DNAJB12: variants seen among roughly 807,000 people sequenced by gnomAD.
DNAJB12 encodes dnaJ homolog subfamily B member 12.
A neutral mutation model predicts 40.6 loss-of-function variants in DNAJB12; 14 were observed. That is an observed-to-expected ratio of 0.34 (90% CI 0.23 to 0.54). DNAJB12 has a LOEUF of 0.54. DNAJB12 is among the 20% of genes least tolerant of loss of function. The probability of loss-of-function intolerance (pLI) is 0.92; values close to 1 mark genes in which losing one functional copy is unlikely to be tolerated. For missense variants in DNAJB12, 444 were observed against 501.7 expected (o/e 0.89, Z 1.10); for synonymous variants, 181 against 199.5 (o/e 0.91, Z 0.78).
rs78855376 is a variant in DNAJB12, at chr10:72,345,186, G to A, written c.134-59C>T. ...GCTCAAGCAGGCTGCGTGCCTCGCC[G>A]AGCGGCCCGCTGCTTCCCACTCACT... On this transcript the variant is annotated intron_variant, in intron 1 of 8. Transcript: ENST00000444643. 1,801 of 1,545,152 alleles carry A rather than the reference G, an allele frequency of 1.2e-3. 16 individuals carry two copies. In the African/African-American group the frequency reaches 0.021, roughly 18 times the overall value.
Position 72,333,307 on chromosome 10 carries a change from A to C in DNAJB12, c.*1341T>G, listed in dbSNP as rs1271535453. The stretch of plus-strand genomic sequence containing the variant: ...GGTCATTCCAGAAGGCCCAGGAGAA[A>C]CTGTGGGAATAAATAAAACCTCCCT... On this transcript the variant is annotated 3_prime_UTR_variant, in exon 9 of 9. Transcript: ENST00000444643. 6.6e-6 allele frequency: 1 copy of C among 152,222 alleles called. No individual in the cohort carries two copies. Among genetic ancestry groups the C allele is most frequent in the African/African-American group, 2.4e-5 (1 of 41,452 alleles). 9.4% of individuals were successfully genotyped at this position (152,222 alleles called of 1,614,324 possible).
chr10:72,354,699 C>T lies in DNAJB12; in HGVS notation c.133+66G>A, dbSNP rs1862021152. On this transcript the variant is annotated intron_variant, in intron 1 of 8. Transcript: ENST00000444643. The stretch of plus-strand genomic sequence containing the variant: ...CTCCCCCTCCCCCAACTGCTCCCGT[C>T]GGTCCGTTCCCGTGTTCCCCCCATC... The T allele has an allele frequency of 3.6e-6, 5 of 1,399,438 alleles. No homozygotes were observed. The East Asian group carries it at 1.2e-4, about 33-fold the overall frequency. 86.7% of individuals were successfully genotyped at this position (1,399,438 alleles called of 1,614,324 possible).
rs1417696307 is a variant in DNAJB12 at position 72,335,755 on chromosome 10, G to C, written c.*30+25C>G. 1 of 1,605,924 alleles carries C rather than the reference G, an allele frequency of 6.2e-7. No homozygotes were observed. The highest frequency in any genetic ancestry group is 1.3e-5 in the African/African-American group (1 of 74,788). ...AGGGCCAAAGCTGCCAGGAGTTGCA[G>C]GGTGGAGGCAGCCCTGGCTCATACT... On this transcript the variant is annotated intron_variant, in intron 8 of 8. Coordinates refer to ENST00000444643, the MANE Select transcript of DNAJB12 (RefSeq NM_017626.7). The surrounding 1 kb of genome is among the most constrained non-coding windows in gnomAD (Gnocchi z 4.4).
At chr10:72,351,317 C>T (rs868339051) in intron 1 of DNAJB12, among the ~76,000 whole-genome samples, 10 of 152,192 alleles carry the variant, frequency 6.6e-5, no homozygotes, top group Middle Eastern at 3.2e-3. Context: ...TCAGTGCCTC[C>T]TTGTCCCACC....
In DNAJB12 at chr10:72,333,400, T is replaced by A. The variant is rs1861371101; in HGVS notation, c.*1248A>T. The A allele has an allele frequency of 6.6e-6, 1 of 152,284 alleles. No homozygotes were observed. Among genetic ancestry groups the A allele is most frequent in the Non-Finnish European group, 1.5e-5 (1 of 68,040 alleles). The allele number at this position is 152,284 out of a possible 1,614,324, so 9.4% of individuals were successfully genotyped here. A position where few individuals can be genotyped will look rare whatever the true frequency, so the allele number is the denominator to read the frequency against. On this transcript the variant is annotated 3_prime_UTR_variant, in exon 9 of 9. Transcript: ENST00000444643. ...TTCAATGTGAGGGTAAGAAAACTAT[T>A]CTGGTTCAGGTGTATCCTTTGTCCA...
chr10:72,352,946 T>A (rs1861970350), intron 1 of DNAJB12, among the ~76,000 whole-genome samples: 1 of 152,186 alleles, frequency 6.6e-6, no homozygotes, highest in Admixed American at 6.5e-5. Context: ...ATTTTTGAAG[T>A]AAGATCTTTC....
intron 1 of DNAJB12, among the ~76,000 whole-genome samples, chr10:72,348,618 C>T (rs1047036096): frequency 6.6e-6 from 1 of 152,244 alleles, no homozygotes; most frequent in Non-Finnish European, 1.5e-5. Context: ...TCCAGTGGAG[C>T]ACTGTGCCCT....
intron 1 of DNAJB12, among the ~76,000 whole-genome samples, chr10:72,352,865 G>A (rs1861968262): frequency 2.0e-5 from 3 of 152,272 alleles, no homozygotes; most frequent in South Asian, 2.1e-4. Context: ...GCAATAGACC[G>A]CCACCTAATA....
In DNAJB12 at chr10:72,334,452, G is replaced by T; in HGVS notation, c.*196C>A. On this transcript the variant is annotated 3_prime_UTR_variant, in exon 9 of 9. Transcript: ENST00000444643. ...CAGCCCCATGGCAGGTTTTCTGTCT[G>T]TCCTAAGAGCTTTCTGCATTTACTG... 1 of 1,148,994 alleles carries T rather than the reference G, an allele frequency of 8.7e-7. No homozygotes were observed. Among genetic ancestry groups the T allele is most frequent in the Non-Finnish European group, 1.3e-6 (1 of 797,688 alleles). 71.2% of individuals were successfully genotyped at this position (1,148,994 alleles called of 1,614,324 possible). A position where few individuals can be genotyped will look rare whatever the true frequency, so the allele number is the denominator to read the frequency against.
chr10:72,335,896 C>T lies in DNAJB12; in HGVS notation c.1042G>A (p.Asp348Asn), dbSNP rs770971523. 25 of 1,614,158 alleles carry T rather than the reference C, an allele frequency of 1.5e-5. No individual in the cohort carries two copies. The highest frequency in any genetic ancestry group is 2.1e-5 in the Non-Finnish European group (25 of 1,180,010). ...GLLYRARYFG[D>N]TDMYHRAQKM... is the part of the protein sequence containing the mutation. Reference sequence around the variant, plus strand: ...TGTGCTCTGTGGTACATATCTGTGTCGCCAAAGTAGCGTGCCCGGTACAGC... The same window carrying T: ...TGTGCTCTGTGGTACATATCTGTGTTGCCAAAGTAGCGTGCCCGGTACAGC... Residue 348 changes from aspartate to asparagine, a missense_variant, in exon 8 of 9, where the codon GAC becomes AAC. Transcript: ENST00000444643. This position sits in a 1 kb window ranked among gnomAD's most constrained non-coding sequence, Gnocchi z 4.4.
Position 72,354,873 on chromosome 10 carries a change from C to A in DNAJB12, c.25G>T (p.Glu9Ter). The A allele has an allele frequency of 6.2e-7, 1 of 1,614,092 alleles. No homozygotes were observed. Among genetic ancestry groups the A allele is most frequent in the South Asian group, 1.1e-5 (1 of 91,084 alleles). The change falls in exon 1 of 9, where the codon GAG (glutamate) becomes TAG (stop). Residue 9 changes from glutamate to a stop codon, truncating the protein, a stop_gained. Coordinates refer to ENST00000444643, the MANE Select transcript of DNAJB12 (RefSeq NM_017626.7). LOFTEE classifies it high-confidence loss of function. ...TTGAGGGCGATGCTGATACAGCGCT[C>A]AGCTTCATCCTTGTTGGATTCCATG... MESNKDEA[E>*]RCISIALKAI...
Position 72,335,834 on chromosome 10 carries a change from C to T in DNAJB12, c.1104G>A (p.Glu368=), listed in dbSNP as rs370623515. 41 of 1,614,084 alleles carry T rather than the reference C, an allele frequency of 2.5e-5. No homozygotes were observed. Among genetic ancestry groups the T allele is most frequent in the African/African-American group, 5.3e-5 (4 of 74,936 alleles). ...MGTPSCSRLS[E]VQASLHG Reference sequence around the variant, plus strand: ...ACTATCCATGCAGGGAGGCCTGCACCTCTGACAGTCGGCTGCAGCTGGGGG... The same window carrying T: ...ACTATCCATGCAGGGAGGCCTGCACTTCTGACAGTCGGCTGCAGCTGGGGG... The change falls in exon 8 of 9, where the codon GAG becomes GAA. Residue 368 remains glutamate, a synonymous_variant. Transcript: ENST00000444643. This position sits in a 1 kb window ranked among gnomAD's most constrained non-coding sequence, Gnocchi z 4.4.
At chr10:72,334,663 C>T (rs760673581) in intron 8 of DNAJB12, 46 bp from the exon 9 acceptor site, 161 of 1,519,592 alleles carry the variant, frequency 1.1e-4, no homozygotes, top group Non-Finnish European at 1.4e-4. Flanking sequence ...CAGGCGGCAC[C>T]GGCTCCTCTA....
rs1269487396 is a variant in DNAJB12, at chr10:72,335,981, C to T, written c.1007-50G>A. 2.5e-6 allele frequency: 4 copies of T among 1,605,894 alleles called. No individual in the cohort carries two copies. Among genetic ancestry groups the T allele is most frequent in the Non-Finnish European group, 3.4e-6 (4 of 1,174,392 alleles). On this transcript the variant is annotated intron_variant, in intron 7 of 8. Transcript: ENST00000444643. This position sits in a 1 kb window ranked among gnomAD's most constrained non-coding sequence, Gnocchi z 4.4. ...GTGCACACCCAGTACCTCCCGAAGC[C>T]TGCAAGGAAGCCTGCGAGGGCTGTG... is the stretch of plus-strand genomic sequence containing the variant.
At chr10:72,339,839 G>A (rs899994635) in intron 5 of DNAJB12, among the ~76,000 whole-genome samples, 4 of 151,088 alleles carry the variant, frequency 2.6e-5, no homozygotes, top group Admixed American at 1.3e-4. Flanking sequence ...TCAGCTTCCC[G>A]AGTAGGGATT....
At chr10:72,336,415 G>T in intron 7 of DNAJB12, 109 bp downstream of exon 7, 1 of 1,224,808 alleles carries the variant, frequency 8.2e-7, no homozygotes, top group Non-Finnish European at 1.2e-6. Flanking sequence ...CAGTGCCAGG[G>T]GCTGGGCCCT....
intron 3 of DNAJB12, 82 bp from the exon 4 acceptor site, chr10:72,341,252 C>G (rs1175788341): frequency 4.4e-6 from 6 of 1,364,240 alleles, no homozygotes; most frequent in Non-Finnish European, 6.1e-6. Flanking sequence ...GCTCACTTTT[C>G]TCAGGTACTC....
intron 3 of DNAJB12, 26 bp from the exon 4 acceptor site, chr10:72,341,196 C>T (rs1157135028): frequency 6.3e-7 from 1 of 1,591,730 alleles, no homozygotes; most frequent in Non-Finnish European, 8.6e-7. Context: ...AAAGGTCAGG[C>T]CTGAGGATCC....
At chr10:72,334,646 C>T (rs983986841) in intron 8 of DNAJB12, 29 bp from the exon 9 acceptor site, 37 of 1,524,576 alleles carry the variant, frequency 2.4e-5, no homozygotes, top group African/African-American at 8.4e-5. Flanking sequence ...ACAGTTAGCT[C>T]GGCATTCAGG....
Sources: gnomAD v4.1 joint callset for allele counts (sites outside exome capture counted in the v4.1 genomes callset) on GRCh38, gnomAD v4.1.1 for gene constraint, Gnocchi (gnomAD v3.1) non-coding constraint, MANE v1.5 for transcripts, NCBI Gene and HGNC (gene_info 2026-07-23, HGNC 2026-07-21) for gene names.